Variants in SUPT3H observed in about 807,000 individuals in gnomAD.
SUPT3H encodes the protein SPT3 homolog, SAGA and STAGA complex component.
A neutral mutation model predicts 44.3 loss-of-function variants in SUPT3H; 44 were observed. The ratio of observed to expected loss-of-function variants is 0.99; its 90% confidence interval spans 0.78 to 1.28. The LOEUF (loss-of-function observed/expected upper bound fraction) is 1.28. Among genes scored for constraint, SUPT3H ranks in the 50% most tolerant of loss-of-function variants. SUPT3H has a pLI of 0.00. For synonymous variants in SUPT3H, 124 were observed against 125.6 expected, an observed-to-expected ratio of 0.99 and a Z score of 0.09; for missense variants, 380 against 387.1, an observed-to-expected ratio of 0.98 and a Z score of 0.15.
intron 5 of SUPT3H, among the ~76,000 whole-genome samples, chr6:45,014,149 A>G (rs1783894544): frequency 6.6e-6 from 1 of 151,870 alleles, no homozygotes; most frequent in Admixed American, 6.6e-5. Context: ...ATTTCTATCA[A>G]CTGTTTTTTT....
At position 44,840,034 on chromosome 6, in the gene SUPT3H, A is replaced by C. The variant is rs540486547; in HGVS notation, c.913-10177T>G. ...TTTTTGACTACTGAATTAAGAAGTCAGTTGAAATTCTTGTCCAAACTGGTT... is the reference window on the plus strand; with the variant it reads ...TTTTTGACTACTGAATTAAGAAGTCCGTTGAAATTCTTGTCCAAACTGGTT... On this transcript the variant is annotated intron_variant, in intron 10 of 10. Coordinates refer to ENST00000371459, the MANE Select transcript of SUPT3H (RefSeq NM_003599.4). Among the ~76,000 whole-genome samples the C allele has an allele frequency of 7.2e-5, 11 of 152,354 alleles. 1 individual carries two copies. In the East Asian group the frequency reaches 2.1e-3, roughly 29 times the overall value.
At chr6:44,930,982 T>TG (rs1770497210) in intron 10 of SUPT3H, among the ~76,000 whole-genome samples, 1 of 152,104 alleles carries the variant, frequency 6.6e-6, no homozygotes, top group African/African-American at 2.4e-5. Context: ...AGGTTGGACA[T>TG]GGGGGAAAAG....
chr6:45,122,041 A>C (rs1027413068), intron 2 of SUPT3H, among the ~76,000 whole-genome samples: 1 of 151,954 alleles, frequency 6.6e-6, no homozygotes, highest in African/African-American at 2.4e-5. Context: ...TTAAAAACAA[A>C]AAAAAAAGAA....
chr6:45,061,450 C>A (rs1185574542), intron 3 of SUPT3H, among the ~76,000 whole-genome samples: 2 of 151,912 alleles, frequency 1.3e-5, no homozygotes, highest in Non-Finnish European at 2.9e-5. Flanking sequence ...TTAGAGGGGG[C>A]AGGGAGAGGG....
At chr6:44,925,182 T>G (rs138810907) in intron 10 of SUPT3H, among the ~76,000 whole-genome samples, 3,363 of 152,210 alleles carry the variant, frequency 0.022, 133 homozygotes, top group African/African-American at 0.076. Flanking sequence ...TACATCAAAG[T>G]AAATGGGCAC....
chr6:45,243,471 T>A (rs1173087302), intron 2 of SUPT3H, among the ~76,000 whole-genome samples: 1 of 148,384 alleles, frequency 6.7e-6, no homozygotes, highest in African/African-American at 2.4e-5. Context: ...AAAAGATTGA[T>A]AAAATCAATA....
intron 2 of SUPT3H, among the ~76,000 whole-genome samples, chr6:45,150,802 A>C (rs1583852658): frequency 2.1e-5 from 3 of 140,956 alleles, no homozygotes; most frequent in African/African-American, 8.2e-5. Flanking sequence ...GGCTCACTGC[A>C]ACCTCCGCCT....
At chr6:45,208,452 C>T (rs542863304) in intron 2 of SUPT3H, among the ~76,000 whole-genome samples, 11 of 152,234 alleles carry the variant, frequency 7.2e-5, no homozygotes, top group South Asian at 2.1e-4. Context: ...CTTGACTGGG[C>T]GTGATGCCCA....
intron 3 of SUPT3H, among the ~76,000 whole-genome samples, chr6:45,101,877 G>C (rs562254051): frequency 6.6e-6 from 1 of 152,074 alleles, no homozygotes; most frequent in African/African-American, 2.4e-5. Context: ...AACTCAAAGG[G>C]AGTATGAATC....
chr6:45,358,204 AAAG>A (rs147630066), intron 2 of SUPT3H, among the ~76,000 whole-genome samples: 178 of 152,338 alleles, frequency 1.2e-3, no homozygotes, highest in African/African-American at 4.0e-3. Context: ...GCAACCCAGA[AAAG>A]AAGCATTCTA....
chr6:45,308,052 T>C (rs1265590298), intron 2 of SUPT3H, among the ~76,000 whole-genome samples: 1 of 151,938 alleles, frequency 6.6e-6, no homozygotes, highest in Non-Finnish European at 1.5e-5. Context: ...AAGAGAAGTT[T>C]TGAGAAAAAA....
intron 6 of SUPT3H, among the ~76,000 whole-genome samples, chr6:44,988,288 G>A (rs1780096502): frequency 6.6e-6 from 1 of 151,754 alleles, no homozygotes; most frequent in Non-Finnish European, 1.5e-5. Flanking sequence ...GTTGTAAAAA[G>A]CCACTACATA....
intron 2 of SUPT3H, among the ~76,000 whole-genome samples, chr6:45,131,870 C>T (rs1803517026): frequency 6.6e-6 from 1 of 152,096 alleles, no homozygotes; most frequent in Non-Finnish European, 1.5e-5. Flanking sequence ...CAATAGCCCC[C>T]CTTCATTCAT....
intron 2 of SUPT3H, among the ~76,000 whole-genome samples, chr6:45,249,635 C>A (rs1322874245): frequency 6.6e-6 from 1 of 152,198 alleles, no homozygotes; most frequent in East Asian, 1.9e-4. Context: ...CACGGTGGCA[C>A]TGACAACCAA....
chr6:45,265,594 A>G (rs1025583469), intron 2 of SUPT3H, among the ~76,000 whole-genome samples: 1 of 152,156 alleles, frequency 6.6e-6, no homozygotes, highest in Non-Finnish European at 1.5e-5. Flanking sequence ...CATTAAGGTT[A>G]AAATCTAGTA....
Position 44,961,823 on chromosome 6 carries a change from T to A in SUPT3H, c.510A>T (p.Ala170=), listed in dbSNP as rs1776071855. 6.2e-7 allele frequency: 1 copy of A among 1,606,330 alleles called. No individual in the cohort carries two copies. The highest frequency in any genetic ancestry group is 1.3e-5 in the African/African-American group (1 of 74,626). Residue 170 remains alanine (A), a synonymous_variant, in exon 7 of 11, where the codon GCA becomes GCT. Transcript: ENST00000371459. ...DEVKQERMER[A]ERQTRIMDSA... ...AATCCATAATTCGAGTTTGTCTTTC[T>A]GCTCTCTAAAAGATAAAAATACATA...
At chr6:45,033,884 C>A (rs1251323602) in intron 3 of SUPT3H, among the ~76,000 whole-genome samples, 1 of 152,092 alleles carries the variant, frequency 6.6e-6, no homozygotes, top group Non-Finnish European at 1.5e-5. Flanking sequence ...AGTCTCTAAT[C>A]AGAATTTGGA....
chr6:44,909,960 T>C (rs9472404), intron 10 of SUPT3H, among the ~76,000 whole-genome samples: 157 of 152,320 alleles, frequency 1.0e-3, no homozygotes, highest in African/African-American at 3.5e-3. Context: ...TAAAGTAGCA[T>C]AGCGCTTTTG....
At chr6:44,932,516 A>C in intron 10 of SUPT3H, 137 bp downstream of exon 10, 1 of 536,898 alleles carries the variant, frequency 1.9e-6, no homozygotes, top group South Asian at 2.9e-5. Flanking sequence ...CAAGAGAATT[A>C]TGCCACTTTT....
Sources: allele counts gnomAD v4.1 joint callset (sites outside exome capture counted in the v4.1 genomes callset), GRCh38; gene constraint gnomAD v4.1.1; transcripts MANE v1.5; gene names NCBI Gene and HGNC (gene_info 2026-07-23, HGNC 2026-07-21).